CHD6: variants seen among roughly 807,000 people sequenced by gnomAD.
CHD6 encodes chromodomain helicase DNA binding protein 6.
Under a neutral mutation model 276.9 loss-of-function variants are expected in CHD6, and 50 were observed. The ratio of observed to expected loss-of-function variants is 0.18; its 90% CI spans 0.14 to 0.23. The LOEUF (loss-of-function observed/expected upper bound fraction) is 0.23. CHD6 is among the 10% of genes least tolerant of loss of function. The pLI is 1.00. For missense variants in CHD6, 2,564 were observed against 3,365.8 expected (o/e 0.76, Z 5.89); for synonymous variants, 1,173 against 1,229.3 (o/e 0.95, Z 0.96).
At chr20:41,556,763 T>C (rs893439914) in intron 1 of CHD6, among the ~76,000 whole-genome samples, 1 of 152,168 alleles carries the variant, frequency 6.6e-6, no homozygotes, top group Non-Finnish European at 1.5e-5. Flanking sequence ...TCAACATCAA[T>C]AGGTGTTCAA....
intron 1 of CHD6, among the ~76,000 whole-genome samples, chr20:41,618,042 C>G (rs1316999086): frequency 6.8e-6 from 1 of 147,962 alleles, no homozygotes; most frequent in African/African-American, 2.4e-5. Flanking sequence ...CAGCGGCGCA[C>G]TCCCAAGGAC....
At position 41,434,766 on chromosome 20, in the gene CHD6, A is replaced by C. The variant is rs147989818; in HGVS notation, c.4068+2508T>G. On this transcript the variant is annotated intron_variant, in intron 27 of 36. Coordinates refer to ENST00000373233, the MANE Select transcript of CHD6 (RefSeq NM_032221.5). ...TGAAAGGAGACATAAATAAATCCAC[A>C]ATTATAGTTGGAGGCTTCAATATTC... is the stretch of plus-strand genomic sequence containing the variant. Among the ~76,000 whole-genome samples, 419 of 152,314 alleles carry C rather than the reference A, an allele frequency of 2.8e-3. 2 individuals are homozygous for C. The highest frequency in any genetic ancestry group is 0.024 in the Middle Eastern group (7 of 294).
At chr20:41,465,269 C>G (rs145211503) in intron 17 of CHD6, among the ~76,000 whole-genome samples, 5 of 152,234 alleles carry the variant, frequency 3.3e-5, no homozygotes, top group African/African-American at 1.2e-4. Context: ...GCAGATGGCA[C>G]GTTAACCAAG....
chr20:41,524,782 G>A (rs1182823487), intron 3 of CHD6, among the ~76,000 whole-genome samples: 1 of 152,136 alleles, frequency 6.6e-6, no homozygotes, highest in African/African-American at 2.4e-5. Flanking sequence ...TCTCTTAGTG[G>A]AGGCAACCAC....
rs534898958 is a variant in CHD6 at position 41,527,532 on chromosome 20, G to A, written c.554+5518C>T. Among the ~76,000 whole-genome samples, 85 of 152,262 alleles carry A rather than the reference G, an allele frequency of 5.6e-4. 2 individuals are homozygous for A. The South Asian group carries it at 0.017, about 30-fold the overall frequency. On this transcript the variant is annotated intron_variant, in intron 3 of 36. Coordinates refer to ENST00000373233, the MANE Select transcript of CHD6 (RefSeq NM_032221.5). ...CTACTCCTCAGATACTCACTCCCTGGATATAGAGTAAAAGAATCAGAAGGC... is the reference window on the plus strand; with the variant it reads ...CTACTCCTCAGATACTCACTCCCTGAATATAGAGTAAAAGAATCAGAAGGC...
intron 1 of CHD6, among the ~76,000 whole-genome samples, chr20:41,571,875 C>T (rs2045421353): frequency 6.6e-6 from 1 of 152,110 alleles, no homozygotes; most frequent in African/African-American, 2.4e-5. Context: ...GCTGTGTAAC[C>T]AGCATCCCCA....
At chr20:41,511,426 C>T (rs1381408815) in intron 5 of CHD6, among the ~76,000 whole-genome samples, 2 of 152,066 alleles carry the variant, frequency 1.3e-5, no homozygotes, top group African/African-American at 4.8e-5. Context: ...CTCTTTTTTT[C>T]AACATTTAAC....
chr20:41,606,040 T>C (rs1253397253), intron 1 of CHD6, among the ~76,000 whole-genome samples: 2 of 152,186 alleles, frequency 1.3e-5, no homozygotes, highest in African/African-American at 2.4e-5. Context: ...AGAATAATGG[T>C]TGACTCTGTC....
chr20:41,403,377 C>T lies in CHD6; in HGVS notation c.*1216G>A, dbSNP rs774974069. ...GAAGGTGAAAGGACATGGGGAAGTG[C>T]TGCTTAGGCAGTTTCTTTCTCAGTT... On this transcript the variant is annotated 3_prime_UTR_variant, in exon 37 of 37. Coordinates refer to ENST00000373233, the MANE Select transcript of CHD6 (RefSeq NM_032221.5). The T allele has an allele frequency of 2.0e-5, 21 of 1,062,768 alleles. No homozygotes were observed. In the South Asian group the frequency reaches 8.6e-4, roughly 44 times the overall value. The allele number at this position is 1,062,768 out of a possible 1,614,324, so 65.8% of individuals were successfully genotyped here.
chr20:41,505,944 T>A (rs2043966248), intron 5 of CHD6, among the ~76,000 whole-genome samples: 1 of 152,190 alleles, frequency 6.6e-6, no homozygotes. Flanking sequence ...CCCACCTGAG[T>A]TAGAGTAAAT....
At chr20:41,504,322 ATCTGATTT>A (rs1255757116) in intron 5 of CHD6, among the ~76,000 whole-genome samples, 1 of 149,086 alleles carries the variant, frequency 6.7e-6, no homozygotes, top group Non-Finnish European at 1.5e-5. Context: ...CTACACTGCT[ATCTGATTT>A]TCTTTATAGA....
At chr20:41,482,642 A>G (rs1220299565) in intron 16 of CHD6, 1 of 426,106 alleles carries the variant, frequency 2.3e-6, no homozygotes, top group East Asian at 6.6e-5. Flanking sequence ...TCATCTTCAG[A>G]TCATTGATGT....
Position 41,493,600 on chromosome 20 carries a change from C to A in CHD6, c.1252G>T (p.Val418Leu). The A allele has an allele frequency of 6.2e-7, 1 of 1,613,718 alleles. No individual in the cohort carries two copies. The highest frequency in any genetic ancestry group is 8.5e-7 in the Non-Finnish European group (1 of 1,179,762). The stretch of plus-strand genomic sequence containing the variant: ...AATTCTTTAACTTTTGCAGGATCTA[C>A]ATCTTCCTCTAGCTCCCACGTGCTT... Reference protein sequence around the residue: ...EESTWELEEDVDPAKVKEFES... With the variant: ...EESTWELEEDLDPAKVKEFES... The change falls in exon 10 of 37, where the codon GTA becomes TTA. Residue 418 changes from valine to leucine, a missense_variant. Val to Leu is a conservative substitution (Grantham distance 32, BLOSUM62 1). Coordinates refer to ENST00000373233, the MANE Select transcript of CHD6 (RefSeq NM_032221.5).
chr20:41,592,822 C>T (rs1288053794), intron 1 of CHD6, among the ~76,000 whole-genome samples: 1 of 152,148 alleles, frequency 6.6e-6, no homozygotes, highest in Admixed American at 6.5e-5. Context: ...CTGGGTCTAA[C>T]ACCAGAGGGT....
intron 23 of CHD6, 134 bp downstream of exon 23, chr20:41,450,812 A>G (rs1221210922): frequency 7.4e-6 from 6 of 810,192 alleles, no homozygotes; most frequent in Non-Finnish European, 1.2e-5. Context: ...TAGACCACAG[A>G]TAACACATCC....
chr20:41,469,289 A>G (rs761325026), intron 17 of CHD6, among the ~76,000 whole-genome samples: 1 of 152,120 alleles, frequency 6.6e-6, no homozygotes, highest in Non-Finnish European at 1.5e-5. Flanking sequence ...AGGACGCAGA[A>G]CTGTGCAGCC....
At chr20:41,509,800 G>C (rs963281456) in intron 5 of CHD6, among the ~76,000 whole-genome samples, 1 of 152,190 alleles carries the variant, frequency 6.6e-6, no homozygotes, top group Non-Finnish European at 1.5e-5. Context: ...AGAAAATAAA[G>C]AGTCACATTT....
chr20:41,584,729 A>G (rs1177712106), intron 1 of CHD6, among the ~76,000 whole-genome samples: 2 of 152,204 alleles, frequency 1.3e-5, no homozygotes, highest in African/African-American at 4.8e-5. Flanking sequence ...AAAGGAAGTA[A>G]CAAGGGAAAC....
chr20:41,451,784 A>C (rs763777004), intron 22 of CHD6, 42 bp downstream of exon 22: 1 of 1,560,200 alleles, frequency 6.4e-7, no homozygotes, highest in Non-Finnish European at 8.8e-7. Flanking sequence ...GATGAAGTGC[A>C]TGGGAATCGT....
Sources: gnomAD v4.1 joint callset for allele counts (sites outside exome capture counted in the v4.1 genomes callset) on GRCh38, gnomAD v4.1.1 for gene constraint, MANE v1.5 for transcripts, NCBI Gene and HGNC (gene_info 2026-07-23, HGNC 2026-07-21) for gene names.